Variants in CPNE9 observed in about 807,000 individuals in gnomAD.
CPNE9 encodes copine-9.
Under a neutral mutation model 83.0 loss-of-function variants are expected in CPNE9, and 59 were observed. The observed-to-expected ratio is 0.71, with a 90% CI of 0.58 to 0.88. The LOEUF (loss-of-function observed/expected upper bound fraction) is 0.88. Ranked by LOEUF, CPNE9 falls within the 40% of genes least tolerant of loss-of-function variation. The probability of loss-of-function intolerance (pLI) is 0.00; values close to 1 mark genes in which losing one functional copy is unlikely to be tolerated. For synonymous variants in CPNE9, 256 were observed against 273.4 expected (o/e 0.94, Z 0.63); for missense variants, 619 against 720.8 (o/e 0.86, Z 1.62).
At chr3:9,725,654 GTGTATATATGTATATATATGTGTATATA>G (rs1559646013) in intron 17 of CPNE9, among the ~76,000 whole-genome samples, 27 of 89,022 alleles carry the variant, frequency 3.0e-4, no homozygotes, top group African/African-American at 1.6e-3. Flanking sequence ...GTGTATATAT[GTGTATATATGTATATATATGTGTATATA>G]TATATACATA....
rs752965541 is a variant in CPNE9 at position 9,717,136 on chromosome 3, T to A, written c.931+32T>A. The A allele has an allele frequency of 4.3e-6, 7 of 1,611,882 alleles. No homozygotes were observed. In the African/African-American group the frequency reaches 6.7e-5, roughly 15 times the overall value. On this transcript the variant is annotated intron_variant, in intron 15 of 20. Coordinates refer to ENST00000383832, the MANE Select transcript of CPNE9 (RefSeq NM_153635.3). ...CACGGATGAGTGAAAAAGTCGGAGG[T>A]GGGAAGGCACTTCTAAGGGAGTCAT...
Position 9,703,884 on chromosome 3 carries a change from C to A in CPNE9, c.-113C>A. On this transcript the variant is annotated 5_prime_UTR_variant, in exon 1 of 21. Coordinates refer to ENST00000383832, the MANE Select transcript of CPNE9 (RefSeq NM_153635.3). ...GCACGCAGGGCTGGAGCGAGTGCAG[C>A]CGCCGCCGCCGCCGACACCGCGGCA... The A allele has an allele frequency of 1.3e-6, 1 of 760,846 alleles. No homozygotes were observed. Among genetic ancestry groups the A allele is most frequent in the Non-Finnish European group, 1.9e-6 (1 of 521,070 alleles). The allele number at this position is 760,846 out of a possible 1,614,324, so 47.1% of individuals were successfully genotyped here.
At chr3:9,714,468 T>C (rs1185237401) in intron 10 of CPNE9, among the ~76,000 whole-genome samples, 1 of 152,084 alleles carries the variant, frequency 6.6e-6, no homozygotes, top group Non-Finnish European at 1.5e-5. Flanking sequence ...TTCAGTCATT[T>C]ACTAGCTATG....
chr3:9,715,210 A>C, intron 11 of CPNE9, 79 bp from the exon 12 acceptor site: 1 of 1,465,710 alleles, frequency 6.8e-7, no homozygotes. Flanking sequence ...GGCTTAGGAT[A>C]GGAGGAATAA....
chr3:9,704,151 A>G lies in CPNE9; in HGVS notation c.68+87A>G. ...GGGGCTCAGCCTGGGCAGGGGCTAG[A>G]CCCCCGGGGAGAGGCGAAATTGGCT... On this transcript the variant is annotated intron_variant, in intron 1 of 20. Transcript: ENST00000383832. The surrounding 1 kb of genome is among the most constrained non-coding windows in gnomAD (Gnocchi z 7.1). 7.7e-7 allele frequency: 1 copy of G among 1,294,010 alleles called. No homozygotes were observed. Among genetic ancestry groups the G allele is most frequent in the Non-Finnish European group, 1.1e-6 (1 of 933,804 alleles). The allele number at this position is 1,294,010 out of a possible 1,614,324, so 80.2% of individuals were successfully genotyped here. A position where few individuals can be genotyped will look rare whatever the true frequency, so the allele number is the denominator to read the frequency against.
At chr3:9,708,846 G>C (rs917025655) in intron 7 of CPNE9, among the ~76,000 whole-genome samples, 1 of 151,742 alleles carries the variant, frequency 6.6e-6, no homozygotes, top group African/African-American at 2.4e-5. Context: ...GTGTTAGCCA[G>C]GTTGGTCTCG....
At chr3:9,706,634 A>G (rs1166932469) in intron 7 of CPNE9, among the ~76,000 whole-genome samples, 1 of 152,240 alleles carries the variant, frequency 6.6e-6, no homozygotes, top group African/African-American at 2.4e-5. Context: ...TAAGTAAATT[A>G]CATAATAGAT....
intron 14 of CPNE9, among the ~76,000 whole-genome samples, chr3:9,716,774 G>A (rs2076687591): frequency 6.6e-6 from 1 of 152,182 alleles, no homozygotes; most frequent in Non-Finnish European, 1.5e-5. Context: ...CCAGCCAAAT[G>A]GGGATATTAA....
intron 15 of CPNE9, 102 bp downstream of exon 15, chr3:9,717,206 C>A (rs1389450061): frequency 1.4e-5 from 18 of 1,243,742 alleles, no homozygotes; most frequent in Non-Finnish European, 1.8e-5. Flanking sequence ...AGTTTACCTA[C>A]CCAAGAAGCC....
chr3:9,715,238 TG>T (rs773902470), intron 11 of CPNE9, 50 bp from the exon 12 acceptor site: 2 of 1,580,238 alleles, frequency 1.3e-6, no homozygotes, highest in Non-Finnish European at 1.7e-6. Flanking sequence ...GGTTCAGCTC[TG>T]GTTCCAAACC....
Position 9,712,592 on chromosome 3 carries a change from T to C in CPNE9, c.429T>C (p.Leu143=), listed in dbSNP as rs766915315. Residue 143 remains leucine (L), a synonymous_variant, in exon 8 of 21, where the codon CTT becomes CTC. Transcript: ENST00000383832. ...CCATATTGCTGACTGCAGAAGAGCT[T>C]AGCAATTGTCGGGTCAGTAAGGGCC... ...CGTILLTAEE[L]SNCRDIATMQ... is the part of the protein sequence containing the mutation. The C allele has an allele frequency of 1.2e-6, 2 of 1,614,084 alleles. No individual in the cohort carries two copies. Among genetic ancestry groups the C allele is most frequent in the Non-Finnish European group, 1.7e-6 (2 of 1,179,932 alleles).
In CPNE9 at chr3:9,715,955, T is replaced by C. The variant is rs759097415; in HGVS notation, c.823-19T>C. ...ACTGCCTTTTCCAAAGTGCCAGGGC[T>C]GCCTATTCTGTCCCACAGGTGACGC... On this transcript the variant is annotated intron_variant, in intron 13 of 20. Transcript: ENST00000383832. 1.5e-5 allele frequency: 24 copies of C among 1,608,806 alleles called. No individual in the cohort carries two copies. Among genetic ancestry groups the C allele is most frequent in the Non-Finnish European group, 2.5e-6 (3 of 1,177,402 alleles).
rs1553688406 is a variant in CPNE9, at chr3:9,703,879, T to TGCAGCC, written c.-115_-110dup. The TGCAGCC allele has an allele frequency of 1.6e-5, 13 of 791,958 alleles. No individual in the cohort carries two copies. In the South Asian group the frequency reaches 2.5e-4, roughly 15 times the overall value. The allele number at this position is 791,958 out of a possible 1,614,324, so 49.1% of individuals were successfully genotyped here. On this transcript the variant is annotated 5_prime_UTR_variant, in exon 1 of 21. Coordinates refer to ENST00000383832, the MANE Select transcript of CPNE9 (RefSeq NM_153635.3). Reference sequence around the variant, plus strand: ...GGAGCGCACGCAGGGCTGGAGCGAGTGCAGCCGCCGCCGCCGCCGACACCG... The same window carrying TGCAGCC: ...GGAGCGCACGCAGGGCTGGAGCGAGTGCAGCCGCAGCCGCCGCCGCCGCCGACACCG...
At chr3:9,718,309 G>A (rs2076703761) in intron 16 of CPNE9, 99 bp downstream of exon 16, 1 of 1,399,304 alleles carries the variant, frequency 7.1e-7, no homozygotes, top group South Asian at 1.3e-5. Flanking sequence ...GGCATGTAGA[G>A]GAACAGGAAG....
intron 15 of CPNE9, among the ~76,000 whole-genome samples, chr3:9,717,460 A>C (rs937664430): frequency 6.6e-6 from 1 of 152,160 alleles, no homozygotes; most frequent in East Asian, 1.9e-4. Flanking sequence ...AGACAAGTAG[A>C]TGCATCGATG....
intron 7 of CPNE9, among the ~76,000 whole-genome samples, chr3:9,708,615 TG>T (rs968605344): frequency 6.6e-6 from 1 of 152,142 alleles, no homozygotes; most frequent in Non-Finnish European, 1.5e-5. Context: ...GTGAAGACAA[TG>T]GAAGAGCGGG....
At chr3:9,722,792 G>A (rs530585106) in intron 17 of CPNE9, among the ~76,000 whole-genome samples, 1 of 152,094 alleles carries the variant, frequency 6.6e-6, no homozygotes, top group Non-Finnish European at 1.5e-5. Flanking sequence ...TGGGATCTTA[G>A]ATGTGAGCCA....
intron 15 of CPNE9, among the ~76,000 whole-genome samples, chr3:9,717,433 G>A (rs2076693965): frequency 1.3e-5 from 2 of 152,256 alleles, no homozygotes; most frequent in South Asian, 4.1e-4. Context: ...TACATGGGTT[G>A]GTGAGTATAA....
intron 14 of CPNE9, 116 bp from the exon 15 acceptor site, chr3:9,716,942 C>A (rs2076688836): frequency 9.2e-7 from 1 of 1,083,396 alleles, no homozygotes; most frequent in Non-Finnish European, 1.4e-6. Context: ...CCATCTGGAT[C>A]AGAATCTGCA....
Sources: gnomAD v4.1 joint callset for allele counts (sites outside exome capture counted in the v4.1 genomes callset) on GRCh38, gnomAD v4.1.1 for gene constraint, Gnocchi (gnomAD v3.1) non-coding constraint, MANE v1.5 for transcripts, NCBI Gene and HGNC (gene_info 2026-07-23, HGNC 2026-07-21) for gene names.